The following USP34 variants were observed in gnomAD, a reference collection of about 807,000 sequenced individuals.
USP34 encodes the protein ubiquitin carboxyl-terminal hydrolase 34.
Under a neutral mutation model 460.3 loss-of-function variants are expected in USP34, and 70 were observed. The ratio of observed to expected loss-of-function variants is 0.15; its 90% confidence interval spans 0.13 to 0.19. The LOEUF (loss-of-function observed/expected upper bound fraction) is 0.19. USP34 is among the 10% of genes least tolerant of loss of function. The pLI is 1.00. For missense variants in USP34, 3,985 were observed against 4,236.2 expected (o/e 0.94, Z 1.65); for synonymous variants, 1,647 against 1,405.3 (o/e 1.17, Z -3.85).
chr2:61,392,361 A>G (rs1378398785), intron 5 of USP34, among the ~76,000 whole-genome samples: 7 of 152,130 alleles, frequency 4.6e-5, no homozygotes, highest in Admixed American at 2.0e-4. Context: ...CAAGCCTGCA[A>G]GCCTGTAATC....
intron 1 of USP34, among the ~76,000 whole-genome samples, chr2:61,455,231 T>C (rs1695402451): frequency 6.6e-6 from 1 of 151,928 alleles, no homozygotes; most frequent in Non-Finnish European, 1.5e-5. Context: ...CAACCTGGAG[T>C]GCAGTGGTAC....
chr2:61,427,342 A>G (rs532028748), intron 1 of USP34, among the ~76,000 whole-genome samples: 1 of 152,256 alleles, frequency 6.6e-6, no homozygotes, highest in East Asian at 1.9e-4. Flanking sequence ...GTTCTTTCAA[A>G]TATCTAGAAA....
intron 58 of USP34, among the ~76,000 whole-genome samples, 156 bp downstream of exon 58, chr2:61,232,296 T>C (rs1487022023): frequency 6.6e-6 from 1 of 152,218 alleles, no homozygotes; most frequent in African/African-American, 2.4e-5. Context: ...AAGAACCTGG[T>C]GAAACCAACA....
intron 3 of USP34, among the ~76,000 whole-genome samples, chr2:61,403,259 G>C (rs771181806): frequency 6.6e-6 from 1 of 152,052 alleles, no homozygotes; most frequent in Non-Finnish European, 1.5e-5. Flanking sequence ...TACATTTAGA[G>C]ATTACCATTT....
chr2:61,374,666 G>A (rs1052556263), intron 8 of USP34, among the ~76,000 whole-genome samples: 1 of 151,684 alleles, frequency 6.6e-6, no homozygotes, highest in African/African-American at 2.4e-5. Flanking sequence ...CCGAAGTGCA[G>A]TGGCGCAACT....
chr2:61,372,621 G>A (rs1692662351), intron 8 of USP34, among the ~76,000 whole-genome samples: 1 of 152,144 alleles, frequency 6.6e-6, no homozygotes, highest in South Asian at 2.1e-4. Flanking sequence ...TGAGGTGGGA[G>A]GATCATTTGA....
Position 61,317,714 on chromosome 2 carries a change from C to T in USP34, c.3222G>A (p.Gln1074=). 6.2e-7 allele frequency: 1 copy of T among 1,614,076 alleles called. No individual in the cohort carries two copies. Among genetic ancestry groups the T allele is most frequent in the South Asian group, 1.1e-5 (1 of 91,066 alleles). ...TISMTGLNLF[Q]HLCNLARLAT... ...CCAATCGAGCCAAGTTACAGAGATGCTGAAACAGGTTTAAGCCAGTCATGC... is the reference window on the plus strand; with the variant it reads ...CCAATCGAGCCAAGTTACAGAGATGTTGAAACAGGTTTAAGCCAGTCATGC... Residue 1074 remains glutamine (Q), a synonymous_variant, in exon 23 of 80, where the codon CAG becomes CAA. Transcript: ENST00000398571.
At position 61,236,156 on chromosome 2, in the gene USP34, A is replaced by T; in HGVS notation, c.6918+5T>A. Reference sequence around the variant, plus strand: ...AGAATTATTTAAAGTTCATATATTTATTACCTTTGCTGTCATTAAGGACAC... The same window carrying T: ...AGAATTATTTAAAGTTCATATATTTTTTACCTTTGCTGTCATTAAGGACAC... On this transcript the variant is annotated splice_donor_5th_base_variant and intron_variant, in intron 55 of 79. Transcript: ENST00000398571. 6.2e-7 allele frequency: 1 copy of T among 1,605,866 alleles called. No homozygotes were observed. The highest frequency in any genetic ancestry group is 8.5e-7 in the Non-Finnish European group (1 of 1,177,314).
At chr2:61,240,469 GGGGTTTTA>G (rs1353452706) in intron 53 of USP34, among the ~76,000 whole-genome samples, 1 of 152,024 alleles carries the variant, frequency 6.6e-6, no homozygotes, top group East Asian at 1.9e-4. Context: ...TAGTAGAGAT[GGGGTTTTA>G]CCATGTTAGG....
chr2:61,288,640 T>C (rs145007556), intron 34 of USP34, 37 bp downstream of exon 34: 249 of 1,591,374 alleles, frequency 1.6e-4, no homozygotes, highest in Admixed American at 3.2e-4. Flanking sequence ...TAAAAATAAA[T>C]GGAATTCATC....
intron 27 of USP34, among the ~76,000 whole-genome samples, chr2:61,305,298 G>A (rs1314294925): frequency 5.3e-5 from 8 of 151,832 alleles, no homozygotes; most frequent in African/African-American, 1.9e-4. Context: ...ACTCCAGCCT[G>A]GGCAACAGTG....
At position 61,266,164 on chromosome 2, in the gene USP34, A is replaced by G. The variant is rs576097521; in HGVS notation, c.5437T>C (p.Phe1813Leu). The G allele has an allele frequency of 6.2e-7, 1 of 1,606,778 alleles. No individual in the cohort carries two copies. The highest frequency in any genetic ancestry group is 8.5e-7 in the Non-Finnish European group (1 of 1,174,416). ...AGGAGATTGAAGATATCTCTCAAAA[A>G]TTCCTGGGGAGTAAAAGGAAACATG... The part of the protein sequence containing the change: ...PFKFSREGQE[F>L]LRDIFNLLFL... Residue 1813 changes from phenylalanine (F) to leucine (L), a missense_variant, in exon 42 of 80, where the codon TTT (phenylalanine) becomes CTT (leucine). Coordinates refer to ENST00000398571, the MANE Select transcript of USP34 (RefSeq NM_014709.4).
chr2:61,406,718 AT>A (rs1693884363), intron 2 of USP34, among the ~76,000 whole-genome samples: 2 of 141,634 alleles, frequency 1.4e-5, no homozygotes, highest in Admixed American at 7.2e-5. Flanking sequence ...AAAAAAAAAA[AT>A]ATTGGCCAGG....
At chr2:61,369,411 G>A (rs762170260) in intron 10 of USP34, among the ~76,000 whole-genome samples, 43 of 152,064 alleles carry the variant, frequency 2.8e-4, no homozygotes, top group Non-Finnish European at 4.4e-4. Context: ...CTGGGAGGCC[G>A]AGGTGGGCGG....
intron 21 of USP34, among the ~76,000 whole-genome samples, chr2:61,323,007 CA>C (rs1690972804): frequency 6.6e-6 from 1 of 152,070 alleles, no homozygotes; most frequent in African/African-American, 2.4e-5. Context: ...TATTGAAAAT[CA>C]GTATTAAAAT....
intron 34 of USP34, among the ~76,000 whole-genome samples, chr2:61,286,265 T>C (rs917535034): frequency 2.6e-5 from 4 of 152,164 alleles, no homozygotes; most frequent in Non-Finnish European, 4.4e-5. Flanking sequence ...GAAATTTTTA[T>C]TTCCATAGAT....
At chr2:61,194,566 C>G (rs994860115) in intron 75 of USP34, among the ~76,000 whole-genome samples, 1 of 152,194 alleles carries the variant, frequency 6.6e-6, no homozygotes, top group Non-Finnish European at 1.5e-5. Flanking sequence ...GGCGTGATCA[C>G]AGATCAGGGG....
chr2:61,316,974 C>A (rs1690770299), intron 23 of USP34, among the ~76,000 whole-genome samples: 1 of 152,094 alleles, frequency 6.6e-6, no homozygotes, highest in Non-Finnish European at 1.5e-5. Flanking sequence ...TACAAGTATT[C>A]TTTTTTCTTC....
At chr2:61,367,849 T>C (rs1692486232) in intron 10 of USP34, among the ~76,000 whole-genome samples, 1 of 140,632 alleles carries the variant, frequency 7.1e-6, no homozygotes, top group Admixed American at 7.2e-5. Flanking sequence ...CTCAAATTAA[T>C]CATCATTAAC....
Sources: gnomAD v4.1 joint callset for allele counts (sites outside exome capture counted in the v4.1 genomes callset) on GRCh38, gnomAD v4.1.1 for gene constraint, MANE v1.5 for transcripts, NCBI Gene and HGNC (gene_info 2026-07-23, HGNC 2026-07-21) for gene names.